Variants in VPS53 observed in about 807,000 individuals in gnomAD.
VPS53 encodes VPS53 subunit of GARP complex.
In VPS53, 70 loss-of-function variants were observed where a neutral mutation model predicts 107.0. The ratio of observed to expected loss-of-function variants is 0.65; its 90% CI spans 0.54 to 0.80. The LOEUF is 0.80. Ranked by LOEUF, VPS53 falls within the 30% of genes least tolerant of loss-of-function variation. The probability of loss-of-function intolerance (pLI) is 0.00; values close to 1 mark genes in which losing one functional copy is unlikely to be tolerated. For missense variants in VPS53, 917 were observed against 1,049.4 expected (o/e 0.87, Z 1.74); for synonymous variants, 409 against 393.3 (o/e 1.04, Z -0.47).
chr17:551,732 A>G (rs1365435269), intron 17 of VPS53, 140 bp downstream of exon 17: 7 of 626,112 alleles, frequency 1.1e-5, no homozygotes, highest in African/African-American at 1.9e-5. Flanking sequence ...GAGTGCTTTC[A>G]GGAACTCCGG....
At position 519,855 on chromosome 17, in the gene VPS53, C is replaced by T; in HGVS notation, c.2299G>A (p.Glu767Lys). The change falls in exon 21 of 22, where the codon GAA becomes AAA. Residue 767 changes from glutamate to lysine, a missense_variant. Transcript: ENST00000437048. This position sits in a 1 kb window ranked among gnomAD's most constrained non-coding sequence, Gnocchi z 5.0. ...YIKLLTDCNTETFQKILDMKG... is the reference protein window; with the variant it reads ...YIKLLTDCNTKTFQKILDMKG... ...ATGTCCAGTATCTTCTGAAAGGTTTCTGTGTTGCAGTCTGTGAGAAGTTTG... is the reference window on the plus strand; with the variant it reads ...ATGTCCAGTATCTTCTGAAAGGTTTTTGTGTTGCAGTCTGTGAGAAGTTTG... 1 of 1,551,716 alleles carries T rather than the reference C, an allele frequency of 6.4e-7. No individual in the cohort carries two copies. Among genetic ancestry groups the T allele is most frequent in the Non-Finnish European group, 8.7e-7 (1 of 1,146,974 alleles).
chr17:584,984 T>C (rs151203669), intron 13 of VPS53, among the ~76,000 whole-genome samples: 21 of 152,196 alleles, frequency 1.4e-4, no homozygotes, highest in African/African-American at 4.3e-4. Context: ...AAATAGACAA[T>C]CGACATTTGG....
chr17:693,424 G>A (rs987724362), intron 4 of VPS53, among the ~76,000 whole-genome samples: 2 of 152,124 alleles, frequency 1.3e-5, no homozygotes, highest in African/African-American at 4.8e-5. Flanking sequence ...TCCCCCACAG[G>A]TAAGTGGGGA....
chr17:611,080 C>G (rs901995546), intron 11 of VPS53, among the ~76,000 whole-genome samples: 1 of 152,068 alleles, frequency 6.6e-6, no homozygotes, highest in Non-Finnish European at 1.5e-5. Flanking sequence ...GTGGCGCAAT[C>G]TCAGCTCACT....
chr17:656,906 G>C, intron 5 of VPS53: 3 of 1,487,414 alleles, frequency 2.0e-6, no homozygotes, highest in Non-Finnish European at 2.8e-6. Flanking sequence ...CTTGCCAATA[G>C]TGAAAATGTT....
At chr17:609,003 A>T (rs1779796606) in intron 11 of VPS53, among the ~76,000 whole-genome samples, 1 of 152,114 alleles carries the variant, frequency 6.6e-6, no homozygotes, top group African/African-American at 2.4e-5. Context: ...AAAGCCTTTA[A>T]TTCTAAATTG....
At chr17:547,783 G>GT (rs1911352648) in intron 17 of VPS53, among the ~76,000 whole-genome samples, 2 of 152,140 alleles carry the variant, frequency 1.3e-5, no homozygotes, top group South Asian at 4.1e-4. Flanking sequence ...GACTATAGGT[G>GT]TGTGCCATCA....
rs1026675167 is a variant in VPS53, at chr17:687,521, A to G, written c.285+9897T>C. Among the ~76,000 whole-genome samples, 5 of 151,586 alleles carry G rather than the reference A, an allele frequency of 3.3e-5. No individual in the cohort carries two copies. The South Asian group carries it at 1.0e-3, about 31-fold the overall frequency. ...AACCCAGGAGGCAGAAGCTGCAGTG[A>G]GCCAAGATCGCACCAATGCACTCCA... is the stretch of plus-strand genomic sequence containing the variant. On this transcript the variant is annotated intron_variant, in intron 4 of 21. Coordinates refer to ENST00000437048, the MANE Select transcript of VPS53 (RefSeq NM_001128159.3).
At chr17:596,879 C>T (rs1203695065) in intron 12 of VPS53, among the ~76,000 whole-genome samples, 2 of 152,162 alleles carry the variant, frequency 1.3e-5, no homozygotes, top group Non-Finnish European at 2.9e-5. Flanking sequence ...CTATTTCCTC[C>T]TGGAGTTTGG....
At position 519,052 on chromosome 17, in the gene VPS53, C is replaced by T. The variant is rs1334533767; in HGVS notation, c.*76G>A. 1 of 1,419,562 alleles carries T rather than the reference C, an allele frequency of 7.0e-7. No homozygotes were observed. 87.9% of individuals were successfully genotyped at this position (1,419,562 alleles called of 1,614,324 possible). A position where few individuals can be genotyped will look rare whatever the true frequency, so the allele number is the denominator to read the frequency against. ...CCGACGATGTGAGAGTGCCGGGGAGCACAGGAGAGGTTGGGGGCTTCTGGG... is the reference window on the plus strand; with the variant it reads ...CCGACGATGTGAGAGTGCCGGGGAGTACAGGAGAGGTTGGGGGCTTCTGGG... On this transcript the variant is annotated 3_prime_UTR_variant, in exon 22 of 22. Coordinates refer to ENST00000437048, the MANE Select transcript of VPS53 (RefSeq NM_001128159.3). This position sits in a 1 kb window ranked among gnomAD's most constrained non-coding sequence, Gnocchi z 5.0.
At chr17:708,866 C>T (rs1257232641) in intron 2 of VPS53, among the ~76,000 whole-genome samples, 6 of 152,122 alleles carry the variant, frequency 3.9e-5, no homozygotes, top group Admixed American at 3.9e-4. Context: ...TCTCTATATC[C>T]TATTTCTATT....
At chr17:650,422 A>T (rs796533750) in intron 7 of VPS53, among the ~76,000 whole-genome samples, 1 of 152,144 alleles carries the variant, frequency 6.6e-6, no homozygotes, top group Non-Finnish European at 1.5e-5. Flanking sequence ...GTTTGAGCCC[A>T]GGAGTTCCAG....
intron 2 of VPS53, chr17:706,172 C>G (rs1020011437): frequency 3.3e-5 from 5 of 152,050 alleles, no homozygotes; most frequent in African/African-American, 1.2e-4. Context: ...CAGGAAGTAT[C>G]TAATAAAGAT....
intron 2 of VPS53, among the ~76,000 whole-genome samples, chr17:707,803 C>G (rs1944067773): frequency 6.7e-6 from 1 of 149,914 alleles, no homozygotes; most frequent in Non-Finnish European, 1.5e-5. Context: ...TGTGATTGTG[C>G]CACTGCACTC....
rs12325758 is a variant in VPS53 at position 656,868 on chromosome 17, G to C, written c.373-915C>G. ...ATGGTGAGGCGGATACCCTTTCCTCGGGGAAGAGAAATCCATCGTTTGTTG... is the reference window on the plus strand; with the variant it reads ...ATGGTGAGGCGGATACCCTTTCCTCCGGGAAGAGAAATCCATCGTTTGTTG... On this transcript the variant is annotated intron_variant, in intron 5 of 21. Transcript: ENST00000437048. 6.3e-6 allele frequency: 10 copies of C among 1,587,228 alleles called. No homozygotes were observed. In the African/African-American group the frequency reaches 8.1e-5, roughly 13 times the overall value.
At chr17:666,578 C>T (rs975844190) in intron 4 of VPS53, among the ~76,000 whole-genome samples, 3 of 151,682 alleles carry the variant, frequency 2.0e-5, no homozygotes, top group Admixed American at 6.6e-5. Context: ...ACAGGATAAT[C>T]GCGTGAACCC....
intron 7 of VPS53, among the ~76,000 whole-genome samples, chr17:632,119 C>T (rs937873463): frequency 3.3e-5 from 5 of 151,996 alleles, no homozygotes; most frequent in Non-Finnish European, 5.9e-5. Flanking sequence ...TACCCAGGTG[C>T]GGGGGCACAC....
At chr17:571,529 T>TACGGTCTCCCTCTCCCC (rs145168445) in intron 13 of VPS53, among the ~76,000 whole-genome samples, 1 of 145,314 alleles carries the variant, frequency 6.9e-6, no homozygotes, top group South Asian at 2.1e-4. Context: ...TCCCTCTCCC[T>TACGGTCTCCCTCTCCCC]ACGGTCTCCC....
At chr17:582,739 T>C (rs556213250) in intron 13 of VPS53, among the ~76,000 whole-genome samples, 2 of 147,290 alleles carry the variant, frequency 1.4e-5, no homozygotes, top group Non-Finnish European at 3.0e-5. Flanking sequence ...AGAATCTCAA[T>C]GCGTTCCCAG....
Sources: gnomAD v4.1 joint callset for allele counts (sites outside exome capture counted in the v4.1 genomes callset) on GRCh38, gnomAD v4.1.1 for gene constraint, Gnocchi (gnomAD v3.1) non-coding constraint, MANE v1.5 for transcripts, NCBI Gene and HGNC (gene_info 2026-07-23, HGNC 2026-07-21) for gene names.